Variants in PRMT7 observed in about 807,000 individuals in gnomAD.
The protein encoded by PRMT7 is protein arginine N-methyltransferase 7.
Under a neutral mutation model 85.4 loss-of-function variants are expected in PRMT7, and 75 were observed. The observed-to-expected ratio is 0.88, with a 90% CI of 0.73 to 1.06. PRMT7 has a LOEUF of 1.06. Among genes scored for constraint, PRMT7 ranks in the 50% least tolerant of loss-of-function variants. The probability of loss-of-function intolerance (pLI) is 0.00; values close to 1 mark genes in which losing one functional copy is unlikely to be tolerated. For missense variants in PRMT7, 868 were observed against 915.2 expected, an observed-to-expected ratio of 0.95 and a Z score of 0.67; for synonymous variants, 397 against 359.5, an observed-to-expected ratio of 1.10 and a Z score of -1.18.
chr16:68,358,364 C>T lies in PRMT7; in HGVS notation c.*1140C>T, dbSNP rs1046725497. On this transcript the variant is annotated 3_prime_UTR_variant, in exon 19 of 19. Coordinates refer to ENST00000441236, the MANE Select transcript of PRMT7 (RefSeq NM_019023.5). Reference sequence around the variant, plus strand: ...GTTTTATTTTCTCCTCGTTATCCATCCTTCCTTTCAGCACCAGTAAGGAAA... The same window carrying T: ...GTTTTATTTTCTCCTCGTTATCCATTCTTCCTTTCAGCACCAGTAAGGAAA... 2.0e-5 allele frequency: 3 copies of T among 152,766 alleles called. No homozygotes were observed. The highest frequency in any genetic ancestry group is 7.2e-5 in the African/African-American group (3 of 41,474). 9.5% of individuals were successfully genotyped at this position (152,766 alleles called of 1,614,324 possible). A position where few individuals can be genotyped will look rare whatever the true frequency, so the allele number is the denominator to read the frequency against.
chr16:68,356,954 C>G, intron 18 of PRMT7, 100 bp from the exon 19 acceptor site: 1 of 1,427,128 alleles, frequency 7.0e-7, no homozygotes, highest in Non-Finnish European at 9.5e-7. Context: ...GGCCCCTGAG[C>G]AGCTTCTCTC....
intron 3 of PRMT7, 60 bp from the exon 4 acceptor site, chr16:68,321,366 T>A: frequency 7.4e-7 from 1 of 1,356,332 alleles, no homozygotes; most frequent in Non-Finnish European, 1.0e-6. Context: ...TTTATATATG[T>A]GAATACTCTT....
At position 68,355,850 on chromosome 16, in the gene PRMT7, C is replaced by A. The variant is rs1187518416; in HGVS notation, c.1778C>A (p.Pro593His). Residue 593 changes from proline (P) to histidine (H), a missense_variant, in exon 17 of 19, where the codon CCC (proline) becomes CAC (histidine). Coordinates refer to ENST00000441236, the MANE Select transcript of PRMT7 (RefSeq NM_019023.5). ...TTCCAGCAGCCGGTGCCCCTGCAGCCCCTGTGTGCCGAGGGCACCGTGGAG... is the reference window on the plus strand; with the variant it reads ...TTCCAGCAGCCGGTGCCCCTGCAGCACCTGTGTGCCGAGGGCACCGTGGAG... ...FDFQQPVPLQ[P>H]LCAEGTVELR... The A allele has an allele frequency of 6.2e-7, 1 of 1,607,536 alleles. No individual in the cohort carries two copies. The highest frequency in any genetic ancestry group is 8.5e-7 in the Non-Finnish European group (1 of 1,178,910).
In PRMT7 at chr16:68,356,737, G is replaced by C. The variant is rs2088602333; in HGVS notation, c.1848G>C (p.Glu616Asp). 6.2e-7 allele frequency: 1 copy of C among 1,611,794 alleles called. No individual in the cohort carries two copies. The highest frequency in any genetic ancestry group is 1.7e-5 in the Admixed American group (1 of 59,996). The change falls in exon 18 of 19, where the codon GAG becomes GAC. Residue 616 changes from glutamate to aspartate, a missense_variant. Glu to Asp is a conservative substitution (Grantham distance 45). Coordinates refer to ENST00000441236, the MANE Select transcript of PRMT7 (RefSeq NM_019023.5). ...GCCACGCAGCGGTGCTATGGATGGA[G>C]TACCACCTGACCCCGGAGTGCACGC... ...GQSHAAVLWM[E>D]YHLTPECTLS...
At chr16:68,325,922 A>T (rs2083060488) in intron 5 of PRMT7, among the ~76,000 whole-genome samples, 1 of 152,232 alleles carries the variant, frequency 6.6e-6, no homozygotes, top group Non-Finnish European at 1.5e-5. Context: ...ACTACCTTAA[A>T]TGTCCCTATG....
chr16:68,358,133 C>CAGCTT lies in PRMT7; in HGVS notation c.*912_*916dup, dbSNP rs1455636724. 1 of 152,336 alleles carries CAGCTT rather than the reference C, an allele frequency of 6.6e-6. No individual in the cohort carries two copies. Among genetic ancestry groups the CAGCTT allele is most frequent in the African/African-American group, 2.4e-5 (1 of 41,472 alleles). 9.4% of individuals were successfully genotyped at this position (152,336 alleles called of 1,614,324 possible). A position where few individuals can be genotyped will look rare whatever the true frequency, so the allele number is the denominator to read the frequency against. Reference sequence around the variant, plus strand: ...AGAGAACCCAGTGGCCTCTGGCTCGCAGCTTAGAAGGTGAGGCTTGTGCCA... The same window carrying CAGCTT: ...AGAGAACCCAGTGGCCTCTGGCTCGCAGCTTAGCTTAGAAGGTGAGGCTTGTGCCA... On this transcript the variant is annotated 3_prime_UTR_variant, in exon 19 of 19. Coordinates refer to ENST00000441236, the MANE Select transcript of PRMT7 (RefSeq NM_019023.5).
chr16:68,327,304 CTGTT>C (rs1288612009), intron 5 of PRMT7, among the ~76,000 whole-genome samples: 8 of 152,132 alleles, frequency 5.3e-5, no homozygotes, highest in Admixed American at 4.6e-4. Flanking sequence ...ACACGTGAGT[CTGTT>C]TGTTTTACAT....
Position 68,346,219 on chromosome 16 carries a change from C to T in PRMT7, c.1130C>T (p.Pro377Leu), listed in dbSNP as rs1210663562. ...DCQAHLLWNR[P>L]RFGEINDQDR... Reference sequence around the variant, plus strand: ...CAGGCTCACCTGCTCTGGAACCGGCCTCGGTTTGGAGAGATCAATGACCAG... The same window carrying T: ...CAGGCTCACCTGCTCTGGAACCGGCTTCGGTTTGGAGAGATCAATGACCAG... The change falls in exon 11 of 19, where the codon CCT becomes CTT. Residue 377 changes from proline to leucine, a missense_variant. Coordinates refer to ENST00000441236, the MANE Select transcript of PRMT7 (RefSeq NM_019023.5). The T allele has an allele frequency of 1.9e-6, 3 of 1,614,094 alleles. No homozygotes were observed. The highest frequency in any genetic ancestry group is 1.3e-5 in the African/African-American group (1 of 74,932).
intron 9 of PRMT7, among the ~76,000 whole-genome samples, chr16:68,343,110 A>G (rs1180384527): frequency 1.3e-5 from 2 of 152,170 alleles, no homozygotes; most frequent in Non-Finnish European, 2.9e-5. Context: ...GGGCTGAGGC[A>G]GGAGAATCAC....
chr16:68,348,693 A>T (rs2086795782), intron 14 of PRMT7, among the ~76,000 whole-genome samples: 1 of 125,864 alleles, frequency 7.9e-6, no homozygotes, highest in Non-Finnish European at 1.5e-5. Context: ...TCCAGGCTGG[A>T]GTGCAGTGGC....
At chr16:68,345,535 A>G in intron 9 of PRMT7, 140 bp from the exon 10 acceptor site, 1 of 1,264,386 alleles carries the variant, frequency 7.9e-7, no homozygotes, top group Non-Finnish European at 1.1e-6. Flanking sequence ...GAGTTTATTT[A>G]TCTCCTTGGC....
intron 2 of PRMT7, among the ~76,000 whole-genome samples, chr16:68,313,009 G>A (rs2044146194): frequency 6.6e-6 from 1 of 152,152 alleles, no homozygotes; most frequent in Non-Finnish European, 1.5e-5. Flanking sequence ...ATTTTTAGTA[G>A]AGACGGGGTT....
chr16:68,322,183 C>T (rs2082574822), intron 4 of PRMT7, among the ~76,000 whole-genome samples: 1 of 152,080 alleles, frequency 6.6e-6, no homozygotes, highest in South Asian at 2.1e-4. Flanking sequence ...ACCTGGCCTT[C>T]ACTGTAGTTT....
At chr16:68,348,781 G>A (rs117288971) in intron 14 of PRMT7, among the ~76,000 whole-genome samples, 1,905 of 151,938 alleles carry the variant, frequency 0.013, 19 homozygotes, top group Non-Finnish European at 0.018. Flanking sequence ...TGGGACTGTA[G>A]GCATGTGCCA....
Position 68,348,347 on chromosome 16 carries a change from C to G in PRMT7, c.1329C>G (p.Phe443Leu), listed in dbSNP as rs2151853690. ...AASHKLLRKI[F>L]KANHLEDKIN... ...TTTACGGTTTTCTTTCTAAGATCTT[C>G]AAGGCTAACCACTTGGAAGATAAAA... The change falls in exon 14 of 19, where the codon TTC (phenylalanine) becomes TTG (leucine). Residue 443 changes from phenylalanine to leucine, a missense_variant. By Grantham distance (22) the Phe-to-Leu change is conservative (BLOSUM62 0). Transcript: ENST00000441236. 2 of 1,600,848 alleles carry G rather than the reference C, an allele frequency of 1.2e-6. No individual in the cohort carries two copies. Among genetic ancestry groups the G allele is most frequent in the East Asian group, 2.2e-5 (1 of 44,796 alleles).
At position 68,316,055 on chromosome 16, in the gene PRMT7, T is replaced by C. The variant is rs1259188933; in HGVS notation, c.76T>C (p.Tyr26His). 1 of 1,613,512 alleles carries C rather than the reference T, an allele frequency of 6.2e-7. No homozygotes were observed. Among genetic ancestry groups the C allele is most frequent in the Non-Finnish European group, 8.5e-7 (1 of 1,179,886 alleles). ...GCTGGAGGAGGATGAACACTATGAT[T>C]ACCACCAGGAGATTGCAAGGTACTG... Reference protein sequence around the residue: ...EWLEEDEHYDYHQEIARSSYA... With the variant: ...EWLEEDEHYDHHQEIARSSYA... The change falls in exon 3 of 19, where the codon TAC becomes CAC. Residue 26 changes from tyrosine (Y) to histidine (H), a missense_variant. Tyr to His is a moderately conservative substitution (Grantham distance 83). Transcript: ENST00000441236.
chr16:68,356,870 C>T, intron 18 of PRMT7, 73 bp downstream of exon 18: 2 of 1,451,316 alleles, frequency 1.4e-6, no homozygotes, highest in Non-Finnish European at 1.9e-6. Context: ...GGCCTCCCTG[C>T]CCCCATGCTC....
At chr16:68,338,010 C>G (rs79105405) in intron 7 of PRMT7, among the ~76,000 whole-genome samples, 3,663 of 152,152 alleles carry the variant, frequency 0.024, 64 homozygotes, top group Middle Eastern at 0.037. Flanking sequence ...GCAACTGAGG[C>G]TAGAGAGCTG....
intron 9 of PRMT7, among the ~76,000 whole-genome samples, chr16:68,343,652 G>A (rs761856072): frequency 2.8e-4 from 42 of 152,188 alleles, no homozygotes; most frequent in Admixed American, 3.9e-4. Flanking sequence ...TCGGGAAAGG[G>A]TTCTCCTGTC....
Sources: allele counts gnomAD v4.1 joint callset (sites outside exome capture counted in the v4.1 genomes callset), GRCh38; gene constraint gnomAD v4.1.1; transcripts MANE v1.5; gene names NCBI Gene and HGNC (gene_info 2026-07-23, HGNC 2026-07-21).